Variants in BMPER observed in about 807,000 individuals in gnomAD.
The protein encoded by BMPER is BMP binding endothelial regulator.
A neutral mutation model predicts 87.3 loss-of-function variants in BMPER; 45 were observed. That is an observed-to-expected ratio of 0.52 (90% CI 0.41 to 0.66). The LOEUF is 0.66. BMPER is among the 30% of genes least tolerant of loss of function. The pLI is 0.00. For synonymous variants in BMPER, 326 were observed against 316.2 expected (o/e 1.03, Z -0.33); for missense variants, 784 against 867.5 (o/e 0.90, Z 1.21).
chr7:34,068,175 C>G (rs1430587302), intron 11 of BMPER, among the ~76,000 whole-genome samples: 1 of 152,210 alleles, frequency 6.6e-6, no homozygotes, highest in Non-Finnish European at 1.5e-5. Flanking sequence ...GTCTTGTGGT[C>G]AAATAGTGCT....
At chr7:34,108,375 T>C (rs574729168) in intron 13 of BMPER, among the ~76,000 whole-genome samples, 1 of 152,364 alleles carries the variant, frequency 6.6e-6, no homozygotes, top group South Asian at 2.1e-4. Flanking sequence ...TGTTCCCTCA[T>C]TGTGAAGTCA....
chr7:34,057,682 G>A (rs1289536204), intron 9 of BMPER, among the ~76,000 whole-genome samples: 1 of 152,118 alleles, frequency 6.6e-6, no homozygotes, highest in Non-Finnish European at 1.5e-5. Flanking sequence ...CTTATCAAAC[G>A]GGAAAATTAG....
intron 6 of BMPER, among the ~76,000 whole-genome samples, chr7:33,990,526 G>T (rs1786177710): frequency 6.7e-6 from 1 of 149,524 alleles, no homozygotes; most frequent in African/African-American, 2.5e-5. Context: ...CTGAGACAAT[G>T]GGGTTTTCTA....
At chr7:33,944,417 T>C (rs1350531717) in intron 3 of BMPER, among the ~76,000 whole-genome samples, 1 of 152,210 alleles carries the variant, frequency 6.6e-6, no homozygotes, top group African/African-American at 2.4e-5. Context: ...TCCACCTGCG[T>C]TGGCCTCCCA....
At chr7:33,921,250 C>G (rs1784222907) in intron 2 of BMPER, among the ~76,000 whole-genome samples, 1 of 152,204 alleles carries the variant, frequency 6.6e-6, no homozygotes, top group Admixed American at 6.5e-5. Flanking sequence ...ATCTTAATAG[C>G]TATTTTGCGA....
chr7:34,078,606 G>A (rs1214225728), intron 11 of BMPER, among the ~76,000 whole-genome samples: 3 of 152,122 alleles, frequency 2.0e-5, no homozygotes, highest in Non-Finnish European at 4.4e-5. Flanking sequence ...AGCATATCTA[G>A]GCTACAAAAT....
chr7:33,914,491 TGTGGGTGG>T (rs1381179977), intron 2 of BMPER, among the ~76,000 whole-genome samples: 1 of 151,962 alleles, frequency 6.6e-6, no homozygotes, highest in African/African-American at 2.4e-5. Context: ...GACGGGGTCA[TGTGGGTGG>T]GTGGGTAGTA....
At chr7:33,966,364 G>A in intron 3 of BMPER, 115 bp from the exon 4 acceptor site, 1 of 857,586 alleles carries the variant, frequency 1.2e-6, no homozygotes, top group Non-Finnish European at 1.9e-6. Flanking sequence ...AGAGCATGGT[G>A]GTTCCTTTGA....
At chr7:33,951,640 G>C (rs1785026746) in intron 3 of BMPER, among the ~76,000 whole-genome samples, 1 of 152,182 alleles carries the variant, frequency 6.6e-6, no homozygotes, top group Non-Finnish European at 1.5e-5. Flanking sequence ...AGTATTTTCA[G>C]CTCTGATCAC....
chr7:33,958,517 A>G (rs927315197), intron 3 of BMPER, among the ~76,000 whole-genome samples: 3 of 152,172 alleles, frequency 2.0e-5, no homozygotes, highest in African/African-American at 7.2e-5. Context: ...GCTTTGTACC[A>G]CCGCTGGAAC....
At chr7:34,024,443 G>T (rs1787303444) in intron 6 of BMPER, among the ~76,000 whole-genome samples, 1 of 69,394 alleles carries the variant, frequency 1.4e-5, no homozygotes, top group South Asian at 4.6e-4. Context: ...ATGTTGGGGA[G>T]GGGTATGGTA....
chr7:34,049,999 A>G (rs977798864), intron 7 of BMPER, among the ~76,000 whole-genome samples: 4 of 152,222 alleles, frequency 2.6e-5, no homozygotes, highest in African/African-American at 9.6e-5. Flanking sequence ...TATGTGATCC[A>G]GGCTGTGCAC....
chr7:33,940,525 A>C (rs912461448), intron 3 of BMPER, among the ~76,000 whole-genome samples: 1 of 152,214 alleles, frequency 6.6e-6, no homozygotes, highest in Non-Finnish European at 1.5e-5. Context: ...TGGCCTCCCA[A>C]GGAATCCCAG....
chr7:34,012,359 G>A (rs916670202), intron 6 of BMPER, among the ~76,000 whole-genome samples: 1 of 151,908 alleles, frequency 6.6e-6, no homozygotes, highest in Non-Finnish European at 1.5e-5. Context: ...AACTGGGATA[G>A]GTAGAAACCA....
chr7:34,091,679 C>T (rs1350051543), intron 13 of BMPER, among the ~76,000 whole-genome samples: 1 of 152,210 alleles, frequency 6.6e-6, no homozygotes, highest in Non-Finnish European at 1.5e-5. Flanking sequence ...ATTTAACCCA[C>T]TTATGCCTAG....
intron 13 of BMPER, among the ~76,000 whole-genome samples, chr7:34,129,244 T>C (rs931472722): frequency 3.9e-5 from 6 of 152,002 alleles, no homozygotes; most frequent in Admixed American, 6.6e-5. Context: ...GGCTCATGCC[T>C]GTAATCTCAA....
intron 5 of BMPER, 122 bp downstream of exon 5, chr7:33,970,541 G>A: frequency 9.9e-7 from 1 of 1,006,070 alleles, no homozygotes; most frequent in South Asian, 1.3e-5. Context: ...AATGGGTTTA[G>A]AGAGCGAGCT....
chr7:34,110,228 A>C (rs940682352), intron 13 of BMPER, among the ~76,000 whole-genome samples: 1 of 152,196 alleles, frequency 6.6e-6, no homozygotes, highest in African/African-American at 2.4e-5. Context: ...CTTTATAAGC[A>C]CAAAGGACAT....
chr7:33,945,622 G>C (rs898026562), intron 3 of BMPER, among the ~76,000 whole-genome samples: 4 of 152,126 alleles, frequency 2.6e-5, no homozygotes, highest in Non-Finnish European at 4.4e-5. Flanking sequence ...CCATCTGTCT[G>C]TCCATGTAGT....
Sources: allele counts gnomAD v4.1 joint callset (sites outside exome capture counted in the v4.1 genomes callset), GRCh38; gene constraint gnomAD v4.1.1; transcripts MANE v1.5; gene names NCBI Gene and HGNC (gene_info 2026-07-23, HGNC 2026-07-21).